KIAA1586: variants seen among roughly 807,000 people sequenced by gnomAD.
The protein encoded by KIAA1586 is E3 SUMO-protein ligase KIAA1586.
In KIAA1586, 5 loss-of-function variants were observed where a neutral mutation model predicts 6.1. That is an observed-to-expected ratio of 0.82 (90% CI 0.43 to 1.73). The LOEUF is 1.73. Ranked by LOEUF, KIAA1586 falls within the 40% of genes most tolerant of loss-of-function variation. KIAA1586 has a pLI of 0.02. For synonymous variants in KIAA1586, 280 were observed against 301.7 expected (o/e 0.93, Z 0.75); for missense variants, 899 against 878.2 (o/e 1.02, Z -0.30).
chr6:57,063,849 C>T, the KIAA1586 span, among the ~76,000 whole-genome samples: 3 of 152,238 alleles, frequency 2.0e-5, no homozygotes, highest in East Asian at 5.8e-4. Flanking sequence ...ACAAATATTT[C>T]GAGTACTATA....
In KIAA1586 at chr6:57,054,000, A is replaced by G. The variant is rs371793598; in HGVS notation, c.1501A>G (p.Ile501Val). 146 of 1,608,178 alleles carry G rather than the reference A, an allele frequency of 9.1e-5. No homozygotes were observed. Among genetic ancestry groups the G allele is most frequent in the South Asian group, 1.0e-4 (9 of 89,876 alleles). ...TACTGCTGTATGGCATGCATATCCT[A>G]TATTATATATGCATTTTTCTCATTC... The part of the protein sequence containing the change: ...AATAVWHAYP[I>V]LYMHFSHSYS... The change falls in exon 4 of 4, where the codon ATA (isoleucine) becomes GTA (valine). Residue 501 changes from isoleucine (I) to valine (V), a missense_variant. Physicochemically the swap from Ile to Val is conservative, Grantham distance 29 (BLOSUM62 3). Coordinates refer to ENST00000370733, the MANE Select transcript of KIAA1586 (RefSeq NM_020931.4).
downstream of KIAA1586, among the ~76,000 whole-genome samples, chr6:57,057,751 C>CA (rs540828091): frequency 5.2e-4 from 73 of 140,264 alleles, no homozygotes; most frequent in South Asian, 2.0e-3. Flanking sequence ...GACTCCAAGT[C>CA]AAAAAAAAAC....
At chr6:57,062,907 C>T in the KIAA1586 span, among the ~76,000 whole-genome samples, 131 of 152,120 alleles carry the variant, frequency 8.6e-4, 1 homozygote, top group African/African-American at 3.0e-3. Context: ...AAAAATTAGC[C>T]GGGCGTGGCG....
At chr6:57,058,984 T>G (rs898341526), downstream of KIAA1586, among the ~76,000 whole-genome samples, 1 of 152,166 alleles carries the variant, frequency 6.6e-6, no homozygotes, top group Non-Finnish European at 1.5e-5. Context: ...AAAAGATGAA[T>G]GGGATTTTTT....
At chr6:57,063,780 GTTA>G in the KIAA1586 span, among the ~76,000 whole-genome samples, 1 of 152,088 alleles carries the variant, frequency 6.6e-6, no homozygotes, top group African/African-American at 2.4e-5. Context: ...AATAAAAATA[GTTA>G]TTATTAACAA....
intron 2 of KIAA1586, among the ~76,000 whole-genome samples, chr6:57,049,976 A>G (rs1828278030): frequency 6.6e-6 from 1 of 152,162 alleles, no homozygotes; most frequent in South Asian, 2.1e-4. Context: ...CAGTTAAAAA[A>G]AATTGTACTA....
the KIAA1586 span, among the ~76,000 whole-genome samples, chr6:57,066,707 A>G: frequency 5.6e-4 from 85 of 152,310 alleles, no homozygotes; most frequent in Middle Eastern, 3.4e-3. Flanking sequence ...CTTTGAACTT[A>G]ATGCAGAGAA....
chr6:57,054,173 A>G lies in KIAA1586; in HGVS notation c.1674A>G (p.Lys558=), dbSNP rs1348813866. The G allele has an allele frequency of 1.9e-6, 3 of 1,589,896 alleles. No individual in the cohort carries two copies. Among genetic ancestry groups the G allele is most frequent in the Admixed American group, 1.9e-5 (1 of 53,214 alleles). The stretch of plus-strand genomic sequence containing the variant: ...TTAAGAAAGCACAAAAATTGATCAA[A>G]CGTACCATAAGAGCTTTGGAAAATT... ...TNIKKAQKLI[K]RTIRALENLK... The change falls in exon 4 of 4, where the codon AAA becomes AAG. Residue 558 remains lysine, a synonymous_variant. Coordinates refer to ENST00000370733, the MANE Select transcript of KIAA1586 (RefSeq NM_020931.4).
At chr6:57,065,180 C>T in the KIAA1586 span, among the ~76,000 whole-genome samples, 2 of 151,958 alleles carry the variant, frequency 1.3e-5, no homozygotes, top group African/African-American at 4.8e-5. Context: ...TTCCTTTTGA[C>T]TCTGCAGCAG....
intron 3 of KIAA1586, among the ~76,000 whole-genome samples, chr6:57,052,076 A>G (rs1271234452): frequency 6.6e-6 from 1 of 152,188 alleles, no homozygotes; most frequent in Non-Finnish European, 1.5e-5. Flanking sequence ...TTTCACTTTC[A>G]TCTTATTCAT....
chr6:57,060,639 G>C, the KIAA1586 span, among the ~76,000 whole-genome samples: 1 of 152,110 alleles, frequency 6.6e-6, no homozygotes, highest in East Asian at 1.9e-4. Flanking sequence ...GCTGCCACTG[G>C]CCTGGTTATG....
At chr6:57,066,425 C>G in the KIAA1586 span, among the ~76,000 whole-genome samples, 2 of 151,940 alleles carry the variant, frequency 1.3e-5, no homozygotes, top group South Asian at 2.1e-4. Flanking sequence ...TTTATTTAAC[C>G]TGTTCCCTGG....
chr6:57,052,668 T>TGTAA lies in KIAA1586; in HGVS notation c.187-17_187-14dup, dbSNP rs765061638. 64 of 1,520,262 alleles carry TGTAA rather than the reference T, an allele frequency of 4.2e-5. No individual in the cohort carries two copies. The highest frequency in any genetic ancestry group is 5.2e-5 in the Non-Finnish European group (59 of 1,134,460). The allele number at this position is 1,520,262 out of a possible 1,614,324, so 94.2% of individuals were successfully genotyped here. On this transcript the variant is annotated splice_polypyrimidine_tract_variant and intron_variant, in intron 3 of 3. Transcript: ENST00000370733. ...AAGTGTTATGAATTTTACTTACATA[T>TGTAA]GTAAAATTATTTTTCAGATTCTGTT...
Position 57,050,824 on chromosome 6 carries a change from T to A in KIAA1586, c.156T>A (p.Asp52Glu), listed in dbSNP as rs1349092687. 1 of 1,613,516 alleles carries A rather than the reference T, an allele frequency of 6.2e-7. No individual in the cohort carries two copies. Among genetic ancestry groups the A allele is most frequent in the African/African-American group, 1.3e-5 (1 of 74,892 alleles). The change falls in exon 3 of 4, where the codon GAT becomes GAA. Residue 52 changes from aspartate (D) to glutamate (E), a missense_variant. Physicochemically the swap from Asp to Glu is conservative, Grantham distance 45. Transcript: ENST00000370733. ...VLEYIDLVCGDDENPSAYYSD... is the reference protein window; with the variant it reads ...VLEYIDLVCGEDENPSAYYSD... ...AATACATCGATCTGGTCTGTGGTGA[T>A]GATGAAAACCCTAGCGCCTATTATA... is the stretch of plus-strand genomic sequence containing the variant.
chr6:57,061,820 C>G, the KIAA1586 span, among the ~76,000 whole-genome samples: 1 of 151,748 alleles, frequency 6.6e-6, no homozygotes, highest in Non-Finnish European at 1.5e-5. Context: ...TAAATAATTA[C>G]AATCTTCGCA....
In KIAA1586 at chr6:57,052,789, A is replaced by G; in HGVS notation, c.290A>G (p.His97Arg). The change falls in exon 4 of 4, where the codon CAC (histidine) becomes CGC (arginine). Residue 97 changes from histidine to arginine, a missense_variant. Transcript: ENST00000370733. ...DTENNEVSKNHCRLSKAKEPH... is the reference protein window; with the variant it reads ...DTENNEVSKNRCRLSKAKEPH... ...GAAAATAATGAAGTGAGCAAAAATC[A>G]CTGCAGATTGTCTAAGGCAAAGGAA... 6.2e-7 allele frequency: 1 copy of G among 1,612,862 alleles called. No homozygotes were observed. The highest frequency in any genetic ancestry group is 8.5e-7 in the Non-Finnish European group (1 of 1,179,350).
At chr6:57,060,213 A>G (rs546651834), downstream of KIAA1586, among the ~76,000 whole-genome samples, 4 of 152,248 alleles carry the variant, frequency 2.6e-5, no homozygotes, top group African/African-American at 9.6e-5. Flanking sequence ...TTGTTGTGTT[A>G]TCTGGGGTGG....
At chr6:57,065,492 G>GTTTTTTTTT in the KIAA1586 span, among the ~76,000 whole-genome samples, 1 of 137,950 alleles carries the variant, frequency 7.2e-6, no homozygotes, top group East Asian at 2.1e-4. Flanking sequence ...TGCCTTTTTT[G>GTTTTTTTTT]TTTTTTTTTT....
rs546167220 is a variant in KIAA1586, at chr6:57,052,378, G to A, written c.187-308G>A. ...TATACAAGGGACTTGAGCATGGGAGGATTTTGGTATGGGGAGGTGCAAATA... is the reference window on the plus strand; with the variant it reads ...TATACAAGGGACTTGAGCATGGGAGAATTTTGGTATGGGGAGGTGCAAATA... On this transcript the variant is annotated intron_variant, in intron 3 of 3. Coordinates refer to ENST00000370733, the MANE Select transcript of KIAA1586 (RefSeq NM_020931.4). Among the ~76,000 whole-genome samples, 4 of 152,264 alleles carry A rather than the reference G, an allele frequency of 2.6e-5. No individual in the cohort carries two copies. In the South Asian group the frequency reaches 8.3e-4, roughly 32 times the overall value.
Sources: allele counts gnomAD v4.1 joint callset (sites outside exome capture counted in the v4.1 genomes callset), GRCh38; gene constraint gnomAD v4.1.1; transcripts MANE v1.5; gene names NCBI Gene and HGNC (gene_info 2026-07-23, HGNC 2026-07-21).